DOCK4: variants seen among roughly 807,000 people sequenced by gnomAD.
DOCK4 encodes the protein dedicator of cytokinesis protein 4.
Under a neutral mutation model 268.1 loss-of-function variants are expected in DOCK4, and 97 were observed. The ratio of observed to expected loss-of-function variants is 0.36; its 90% CI spans 0.31 to 0.43. The LOEUF is 0.43. Among genes scored for constraint, DOCK4 ranks in the 20% least tolerant of loss-of-function variants. The pLI, the probability that DOCK4 is intolerant of heterozygous loss-of-function variation, is 1.00. For synonymous variants in DOCK4, 954 were observed against 887.2 expected, an observed-to-expected ratio of 1.08 and a Z score of -1.34; for missense variants, 2,145 against 2,455.7, an observed-to-expected ratio of 0.87 and a Z score of 2.67.
Position 111,769,531 on chromosome 7 carries a change from T to G in DOCK4, c.3826A>C (p.Lys1276Gln). ...CCGGGCGGGGCAGGGCCACTTACTTTGCCTCTGTCAAAGTTCTGGATGATG... is the reference window on the plus strand; with the variant it reads ...CCGGGCGGGGCAGGGCCACTTACTTGGCCTCTGTCAAAGTTCTGGATGATG... Reference protein sequence around the residue: ...LTIIQNFDRGKCWENGIILCR... With the variant: ...LTIIQNFDRGQCWENGIILCR... The change falls in exon 37 of 53, where the codon AAA becomes CAA. Residue 1276 changes from lysine to glutamine, a missense_variant and splice_region_variant. By Grantham distance (53) the Lys-to-Gln change is moderately conservative. Coordinates refer to ENST00000428084, the MANE Select transcript of DOCK4 (RefSeq NM_001363540.2). 6.2e-7 allele frequency: 1 copy of G among 1,613,584 alleles called. No homozygotes were observed. Among genetic ancestry groups the G allele is most frequent in the South Asian group, 1.1e-5 (1 of 91,064 alleles).
At chr7:111,876,262 G>C (rs1191672117) in intron 17 of DOCK4, among the ~76,000 whole-genome samples, 1 of 152,100 alleles carries the variant, frequency 6.6e-6, no homozygotes, top group Non-Finnish European at 1.5e-5. Flanking sequence ...TCAAAATTTT[G>C]ATGTTACATT....
intron 8 of DOCK4, among the ~76,000 whole-genome samples, chr7:111,959,354 C>T (rs186049394): frequency 7.9e-5 from 12 of 152,258 alleles, no homozygotes; most frequent in Admixed American, 5.2e-4. Flanking sequence ...GCTTTGGAGA[C>T]GTCACATTTT....
intron 36 of DOCK4, among the ~76,000 whole-genome samples, chr7:111,776,698 C>T (rs1798460348): frequency 1.3e-5 from 2 of 152,282 alleles, no homozygotes; most frequent in South Asian, 4.1e-4. Context: ...TCAGCAAACC[C>T]AAACAAGTTA....
At chr7:112,057,293 A>T (rs1805904914) in intron 1 of DOCK4, among the ~76,000 whole-genome samples, 1 of 152,076 alleles carries the variant, frequency 6.6e-6, no homozygotes, top group South Asian at 2.1e-4. Context: ...CTGGAATCCC[A>T]ACACTTTGGG....
intron 30 of DOCK4, chr7:111,807,629 C>T (rs1225119270): frequency 6.6e-6 from 1 of 152,150 alleles, no homozygotes; most frequent in African/African-American, 2.4e-5. Context: ...CACCCCCCCA[C>T]CACGCCTGGC....
intron 52 of DOCK4, among the ~76,000 whole-genome samples, chr7:111,731,005 G>A (rs1446595048): frequency 1.3e-5 from 2 of 152,194 alleles, no homozygotes; most frequent in Non-Finnish European, 2.9e-5. Flanking sequence ...ATAGCAACGT[G>A]TGGGAGCTCT....
chr7:111,809,177 A>T (rs1037962909), intron 29 of DOCK4, 124 bp downstream of exon 29: 1 of 801,146 alleles, frequency 1.2e-6, no homozygotes, highest in African/African-American at 1.7e-5. Context: ...CTGCTTCTTG[A>T]CCCCTTGGTC....
intron 26 of DOCK4, 59 bp from the exon 27 acceptor site, chr7:111,822,515 C>T (rs1396307767): frequency 4.3e-5 from 58 of 1,359,708 alleles, no homozygotes; most frequent in East Asian, 7.3e-5. Context: ...AACATACATA[C>T]GCACATACAC....
intron 1 of DOCK4, among the ~76,000 whole-genome samples, chr7:112,069,926 A>G (rs1217208637): frequency 6.6e-6 from 1 of 152,194 alleles, no homozygotes; most frequent in Non-Finnish European, 1.5e-5. Context: ...ATGGGAAGAG[A>G]GTTACACAGT....
At chr7:112,126,358 C>G (rs1435190939) in intron 1 of DOCK4, among the ~76,000 whole-genome samples, 1 of 152,110 alleles carries the variant, frequency 6.6e-6, no homozygotes, top group Non-Finnish European at 1.5e-5. Context: ...GTAAAGCTCA[C>G]AAAAATACCT....
chr7:112,164,986 G>A (rs1029571811), intron 1 of DOCK4, among the ~76,000 whole-genome samples: 8 of 152,114 alleles, frequency 5.3e-5, no homozygotes, highest in African/African-American at 1.9e-4. Flanking sequence ...AGCAGAAACT[G>A]CCTAGTTAAT....
intron 32 of DOCK4, among the ~76,000 whole-genome samples, chr7:111,785,451 GA>G (rs1563501457): frequency 6.6e-6 from 1 of 152,144 alleles, no homozygotes; most frequent in East Asian, 1.9e-4. Context: ...AATACATGGA[GA>G]CTTCTTTTAT....
At chr7:112,141,718 T>C (rs1245679574) in intron 1 of DOCK4, among the ~76,000 whole-genome samples, 3 of 152,174 alleles carry the variant, frequency 2.0e-5, no homozygotes, top group South Asian at 4.1e-4. Context: ...CAAACTCAAA[T>C]GTTAATGGGG....
intron 13 of DOCK4, among the ~76,000 whole-genome samples, chr7:111,909,989 A>C (rs975018603): frequency 1.3e-5 from 2 of 152,044 alleles, no homozygotes; most frequent in East Asian, 3.8e-4. Flanking sequence ...AAAAAAAAAA[A>C]ACGTTTTAGG....
chr7:111,988,399 T>G (rs1393917493), intron 6 of DOCK4, among the ~76,000 whole-genome samples: 4 of 152,230 alleles, frequency 2.6e-5, no homozygotes, highest in African/African-American at 9.6e-5. Flanking sequence ...TGATTAGATT[T>G]ACCATTTTAG....
intron 1 of DOCK4, among the ~76,000 whole-genome samples, chr7:112,120,572 C>T (rs1812643115): frequency 6.6e-6 from 1 of 152,168 alleles, no homozygotes; most frequent in South Asian, 2.1e-4. Flanking sequence ...GGGGACACAT[C>T]TGAATTCTAT....
intron 11 of DOCK4, 25 bp downstream of exon 11, chr7:111,940,085 C>A: frequency 1.2e-6 from 2 of 1,613,476 alleles, no homozygotes; most frequent in South Asian, 1.1e-5. Flanking sequence ...CCTACCCCAG[C>A]CATCACCACG....
At chr7:111,868,448 C>T (rs923869147) in intron 21 of DOCK4, among the ~76,000 whole-genome samples, 6 of 152,142 alleles carry the variant, frequency 3.9e-5, no homozygotes, top group Admixed American at 6.5e-5. Context: ...CGGTGGCTCA[C>T]GCCTGTAATC....
intron 13 of DOCK4, among the ~76,000 whole-genome samples, chr7:111,914,446 T>C (rs1469122864): frequency 6.6e-6 from 1 of 152,208 alleles, no homozygotes; most frequent in East Asian, 1.9e-4. Context: ...CCCAAAGTGC[T>C]GAGTGTGACC....
Sources: gnomAD v4.1 joint callset for allele counts (sites outside exome capture counted in the v4.1 genomes callset) on GRCh38, gnomAD v4.1.1 for gene constraint, MANE v1.5 for transcripts, NCBI Gene and HGNC (gene_info 2026-07-23, HGNC 2026-07-21) for gene names.